The following CSMD2 variants were observed in gnomAD, a reference collection of about 807,000 sequenced individuals.
CSMD2 encodes the protein CUB and Sushi multiple domains 2, also known as CUB and sushi domain-containing protein 2.
CSMD2 carries 130 observed loss-of-function variants against 398.5 expected under a neutral mutation model. That is an observed-to-expected ratio of 0.33 (90% CI 0.28 to 0.38). CSMD2 has a LOEUF of 0.38. Ranked by LOEUF, CSMD2 falls within the 10% of genes least tolerant of loss-of-function variation. The pLI, the probability that CSMD2 is intolerant of heterozygous loss-of-function variation, is 1.00. For synonymous variants in CSMD2, 1,828 were observed against 1,908.5 expected, an observed-to-expected ratio of 0.96 and a Z score of 1.10; for missense variants, 3,829 against 4,764.9, an observed-to-expected ratio of 0.80 and a Z score of 5.78.
intron 6 of CSMD2, among the ~76,000 whole-genome samples, chr1:33,832,612 T>C (rs7366548): frequency 0.78 from 113,240 of 145,030 alleles, 45,109 homozygotes; most frequent in East Asian, 0.94. Context: ...AGAGCAAACA[T>C]ATTCAAAAGC....
chr1:33,587,226 C>A, intron 44 of CSMD2, 58 bp from the exon 45 acceptor site: 2 of 1,240,840 alleles, frequency 1.6e-6, no homozygotes, highest in East Asian at 2.5e-5. Flanking sequence ...GGTACACCGT[C>A]ATTCATTTGT....
Position 33,792,491 on chromosome 1 carries a change from C to A in CSMD2, c.1482G>T (p.Glu494Asp), listed in dbSNP as rs979654272. The A allele has an allele frequency of 1.2e-6, 2 of 1,613,972 alleles. No homozygotes were observed. The highest frequency in any genetic ancestry group is 2.7e-5 in the African/African-American group (2 of 74,916). The change falls in exon 11 of 71, where the codon GAG (glutamate) becomes GAT (aspartate). Residue 494 changes from glutamate (E) to aspartate (D), a missense_variant. Physicochemically the swap from Glu to Asp is conservative, Grantham distance 45 (BLOSUM62 2). Around this residue, in one of 5 missense-constraint regions of CSMD2, gnomAD observed 2,001 missense variants for 2,567.1 expected, o/e 0.78. Transcript: ENST00000373381. ...CGACCGTCAGGGTGTCATAGCCCCT[C>A]TCCAAATCAAACTCCTCAAAGGCGA... is the stretch of plus-strand genomic sequence containing the variant. ...IKLAFEEFDL[E>D]RGYDTLTVGD...
chr1:34,123,642 G>A (rs1662442169), intron 1 of CSMD2, among the ~76,000 whole-genome samples: 1 of 152,126 alleles, frequency 6.6e-6, no homozygotes, highest in Non-Finnish European at 1.5e-5. Flanking sequence ...CAACCCATGG[G>A]ATGTGACTCT....
At chr1:34,113,316 C>T (rs1200856299) in intron 1 of CSMD2, among the ~76,000 whole-genome samples, 1 of 152,170 alleles carries the variant, frequency 6.6e-6, no homozygotes, top group Non-Finnish European at 1.5e-5. Context: ...ACATGGGTGG[C>T]AGAGCAGCGA....
chr1:33,823,877 G>A (rs1024888085), intron 7 of CSMD2, among the ~76,000 whole-genome samples: 3 of 152,170 alleles, frequency 2.0e-5, no homozygotes, highest in Non-Finnish European at 4.4e-5. Flanking sequence ...CTTCCTGAGG[G>A]AGTTTTTGGC....
chr1:33,597,777 GT>G (rs1463399462), intron 44 of CSMD2, among the ~76,000 whole-genome samples: 1 of 152,146 alleles, frequency 6.6e-6, no homozygotes, highest in Non-Finnish European at 1.5e-5. Flanking sequence ...CCTTGTACAT[GT>G]TCACAATAAG....
intron 6 of CSMD2, among the ~76,000 whole-genome samples, chr1:33,844,568 A>C (rs16835984): frequency 0.15 from 22,819 of 152,212 alleles, 2,199 homozygotes; most frequent in South Asian, 0.35. Flanking sequence ...TCAAGGAAGA[A>C]TCATTTATTA....
At chr1:34,082,922 C>G (rs1571049822) in intron 2 of CSMD2, among the ~76,000 whole-genome samples, 1 of 152,214 alleles carries the variant, frequency 6.6e-6, no homozygotes, top group Admixed American at 6.5e-5. Flanking sequence ...CCCAGGGACA[C>G]AAACACTGCG....
intron 10 of CSMD2, among the ~76,000 whole-genome samples, chr1:33,793,690 G>A (rs1190158994): frequency 2.2e-5 from 1 of 44,928 alleles, no homozygotes; most frequent in Admixed American, 2.4e-4. Context: ...GAACTCATTG[G>A]CAGGAGTGAG....
intron 15 of CSMD2, among the ~76,000 whole-genome samples, chr1:33,736,473 C>T (rs1269568994): frequency 6.6e-6 from 1 of 151,118 alleles, no homozygotes; most frequent in African/African-American, 2.4e-5. Flanking sequence ...AGCAAGACTC[C>T]GTCTCAAAGA....
chr1:33,607,506 G>A (rs902097705), intron 41 of CSMD2, among the ~76,000 whole-genome samples: 22 of 152,198 alleles, frequency 1.4e-4, no homozygotes, highest in Non-Finnish European at 2.9e-4. Context: ...CGCTCCGTAC[G>A]GCGGAGGAAG....
intron 2 of CSMD2, among the ~76,000 whole-genome samples, chr1:34,059,906 T>C (rs974516516): frequency 1.3e-5 from 2 of 152,176 alleles, no homozygotes; most frequent in African/African-American, 4.8e-5. Flanking sequence ...TCCCATCTCA[T>C]CTGTGTTCAT....
At chr1:33,620,943 A>G (rs1448117196) in intron 37 of CSMD2, among the ~76,000 whole-genome samples, 1 of 151,644 alleles carries the variant, frequency 6.6e-6, no homozygotes, top group African/African-American at 2.4e-5. Flanking sequence ...GGGCATGTGC[A>G]TAACACAGTT....
At chr1:33,894,243 T>C (rs1642232067) in intron 5 of CSMD2, among the ~76,000 whole-genome samples, 1 of 152,128 alleles carries the variant, frequency 6.6e-6, no homozygotes, top group South Asian at 2.1e-4. Context: ...GCTCTGTCAG[T>C]AACACTGCCT....
intron 64 of CSMD2, among the ~76,000 whole-genome samples, chr1:33,531,401 G>A (rs552304166): frequency 7.2e-5 from 11 of 152,190 alleles, no homozygotes; most frequent in Non-Finnish European, 1.6e-4. Flanking sequence ...GAATAACATG[G>A]TGCAAGAGTT....
Position 33,726,679 on chromosome 1 carries a change from C to G in CSMD2, c.2375G>C (p.Cys792Ser). ...NSAVLRCEAPCGGHLTSPSGT... is the reference protein window; with the variant it reads ...NSAVLRCEAPSGGHLTSPSGT... ...GCTGGGCGAAGTCAGGTGACCACCA[C>G]AGGGAGCTGGGGGGACAGAAGGAAG... The change falls in exon 16 of 71, where the codon TGT becomes TCT. Residue 792 changes from cysteine (C) to serine (S), a missense_variant. Cys to Ser is a moderately radical substitution (Grantham distance 112). This residue lies in a region of CSMD2 where 2,001 missense variants were observed against 2,567.1 expected (regional missense o/e 0.78). Transcript: ENST00000373381. 1 of 1,610,886 alleles carries G rather than the reference C, an allele frequency of 6.2e-7. No homozygotes were observed. The highest frequency in any genetic ancestry group is 1.3e-5 in the African/African-American group (1 of 75,048).
At chr1:34,058,247 C>G (rs1263779106) in intron 2 of CSMD2, among the ~76,000 whole-genome samples, 1 of 152,104 alleles carries the variant, frequency 6.6e-6, no homozygotes, top group Non-Finnish European at 1.5e-5. Flanking sequence ...CAGGTCACTT[C>G]CCCTCTCTCA....
chr1:33,939,490 G>A (rs772252076), intron 3 of CSMD2, among the ~76,000 whole-genome samples: 1 of 152,168 alleles, frequency 6.6e-6, no homozygotes, highest in Non-Finnish European at 1.5e-5. Context: ...GAGAACTGGT[G>A]TAGAACTAAC....
intron 2 of CSMD2, among the ~76,000 whole-genome samples, chr1:34,060,994 G>A (rs1205742380): frequency 6.6e-6 from 1 of 152,100 alleles, no homozygotes; most frequent in East Asian, 1.9e-4. Context: ...TATTGCATAA[G>A]AGACCATAAT....
Sources: allele counts gnomAD v4.1 joint callset (sites outside exome capture counted in the v4.1 genomes callset), GRCh38; gene constraint gnomAD v4.1.1; regional missense constraint gnomAD v4.1.1; transcripts MANE v1.5; gene names NCBI Gene and HGNC (gene_info 2026-07-23, HGNC 2026-07-21).